DAGLA: variants seen among roughly 807,000 people sequenced by gnomAD.
DAGLA encodes diacylglycerol lipase alpha, also known as diacylglycerol lipase-alpha.
In DAGLA, 22 loss-of-function variants were observed where a neutral mutation model predicts 102.6. The ratio of observed to expected loss-of-function variants is 0.21; its 90% CI spans 0.15 to 0.31. The LOEUF is 0.31. DAGLA is among the 10% of genes least tolerant of loss of function. DAGLA has a pLI of 1.00. For synonymous variants in DAGLA, 578 were observed against 628.9 expected, an observed-to-expected ratio of 0.92 and a Z score of 1.21; for missense variants, 927 against 1,446.6, an observed-to-expected ratio of 0.64 and a Z score of 5.83.
rs762374338 is a variant in DAGLA at position 61,745,076 on chromosome 11, T to G, written c.*587T>G. ...CTTGCAAGCCCCCCGCCCAATCATG[T>G]GTTCAGTAGCCGTCCTCTGAGCAGG... On this transcript the variant is annotated 3_prime_UTR_variant, in exon 20 of 20. Transcript: ENST00000257215. 12 of 154,804 alleles carry G rather than the reference T, an allele frequency of 7.8e-5. No individual in the cohort carries two copies. The highest frequency in any genetic ancestry group is 1.7e-4 in the Non-Finnish European group (12 of 69,714). 9.6% of individuals were successfully genotyped at this position (154,804 alleles called of 1,614,324 possible). A position where few individuals can be genotyped will look rare whatever the true frequency, so the allele number is the denominator to read the frequency against.
At chr11:61,728,828 G>A (rs767779341) in intron 7 of DAGLA, 103 bp from the exon 8 acceptor site, 161 of 980,870 alleles carry the variant, frequency 1.6e-4, no homozygotes, top group Non-Finnish European at 2.2e-4. Context: ...TGGGCTTCTC[G>A]GCCTTTGGGA....
intron 1 of DAGLA, among the ~76,000 whole-genome samples, chr11:61,717,623 C>T (rs1387716955): frequency 6.6e-6 from 1 of 152,182 alleles, no homozygotes; most frequent in African/African-American, 2.4e-5. Flanking sequence ...ACAGTGGGTA[C>T]GTGGTAGAGC....
intron 15 of DAGLA, 122 bp downstream of exon 15, chr11:61,737,877 G>A (rs1001936653): frequency 1.8e-5 from 15 of 846,424 alleles, no homozygotes; most frequent in East Asian, 1.2e-4. Flanking sequence ...GGGACCCCAC[G>A]CCCCTCCCCA....
At chr11:61,696,111 T>C (rs2065063029) in intron 1 of DAGLA, among the ~76,000 whole-genome samples, 1 of 151,734 alleles carries the variant, frequency 6.6e-6, no homozygotes, top group Admixed American at 6.6e-5. Context: ...GAAATGAGAG[T>C]GGGGGAGCCT....
intron 1 of DAGLA, among the ~76,000 whole-genome samples, chr11:61,714,219 G>C (rs1260146213): frequency 6.6e-6 from 1 of 152,182 alleles, no homozygotes; most frequent in South Asian, 2.1e-4. Context: ...TTTCTGTCCT[G>C]GGGACACTGC....
chr11:61,735,531 G>A (rs767747619), intron 10 of DAGLA, 30 bp from the exon 11 acceptor site: 89 of 1,606,322 alleles, frequency 5.5e-5, no homozygotes, highest in Non-Finnish European at 6.4e-5. Flanking sequence ...CACCAGGGCC[G>A]CTCAGGCTCA....
chr11:61,691,318 T>C (rs929531999), intron 1 of DAGLA, among the ~76,000 whole-genome samples: 7 of 152,206 alleles, frequency 4.6e-5, no homozygotes, highest in South Asian at 2.1e-4. Context: ...CCCTCTGAAA[T>C]TGTAATTGGA....
At chr11:61,706,584 C>T (rs925662891) in intron 1 of DAGLA, among the ~76,000 whole-genome samples, 1 of 152,216 alleles carries the variant, frequency 6.6e-6, no homozygotes, top group Non-Finnish European at 1.5e-5. Flanking sequence ...ACCCAGGAGG[C>T]CTCAGAGCCC....
At chr11:61,710,392 T>TG (rs553253123) in intron 1 of DAGLA, among the ~76,000 whole-genome samples, 36 of 152,018 alleles carry the variant, frequency 2.4e-4, no homozygotes, top group African/African-American at 7.7e-4. Flanking sequence ...GCGTTTGAGC[T>TG]GGGAAGGGGC....
rs150653511 is a variant in DAGLA at position 61,744,779 on chromosome 11, C to T, written c.*290C>T. On this transcript the variant is annotated 3_prime_UTR_variant, in exon 20 of 20. Transcript: ENST00000257215. ...GGGCCACACTCAGCCTGACTGCCCT[C>T]CATGGGGGCATTCTGGCACCCCCTG... 1 of 368,952 alleles carries T rather than the reference C, an allele frequency of 2.7e-6. No individual in the cohort carries two copies. Among genetic ancestry groups the T allele is most frequent in the East Asian group, 4.5e-5 (1 of 22,374 alleles). The allele number at this position is 368,952 out of a possible 1,614,324, so 22.9% of individuals were successfully genotyped here.
Position 61,722,871 on chromosome 11 carries a change from T to C in DAGLA, c.320T>C (p.Ile107Thr). The C allele has an allele frequency of 6.2e-7, 1 of 1,614,062 alleles. No individual in the cohort carries two copies. The highest frequency in any genetic ancestry group is 8.5e-7 in the Non-Finnish European group (1 of 1,179,952). The change falls in exon 4 of 20, where the codon ATC becomes ACC. Residue 107 changes from isoleucine (I) to threonine (T), a missense_variant. Physicochemically the swap from Ile to Thr is moderately conservative, Grantham distance 89. Transcript: ENST00000257215. ...VLYVRLAILV[I>T]EFIYAIVGIV... ...GCTCTCCTTGCAGCCATCCTGGTGA[T>C]CGAGTTCATCTACGCCATCGTGGGC...
At position 61,744,766 on chromosome 11, in the gene DAGLA, G is replaced by A; in HGVS notation, c.*277G>A. ...CAGCCTGCTGGGTGGGCCACACTCA[G>A]CCTGACTGCCCTCCATGGGGGCATT... On this transcript the variant is annotated 3_prime_UTR_variant, in exon 20 of 20. Coordinates refer to ENST00000257215, the MANE Select transcript of DAGLA (RefSeq NM_006133.3). The A allele has an allele frequency of 2.5e-6, 1 of 399,946 alleles. No individual in the cohort carries two copies. Among genetic ancestry groups the A allele is most frequent in the Admixed American group, 4.2e-5 (1 of 23,858 alleles). The allele number at this position is 399,946 out of a possible 1,614,324, so 24.8% of individuals were successfully genotyped here. A position where few individuals can be genotyped will look rare whatever the true frequency, so the allele number is the denominator to read the frequency against.
At chr11:61,702,015 A>G (rs2065113519) in intron 1 of DAGLA, among the ~76,000 whole-genome samples, 1 of 151,902 alleles carries the variant, frequency 6.6e-6, no homozygotes, top group African/African-American at 2.4e-5. Flanking sequence ...GCCTCAAGTA[A>G]TTCTCCTGCG....
At chr11:61,725,955 GC>G in intron 5 of DAGLA, 39 bp from the exon 6 acceptor site, 1 of 1,575,164 alleles carries the variant, frequency 6.3e-7, no homozygotes. Context: ...TTCTGGTCCA[GC>G]CCTCTGACCT....
chr11:61,697,931 C>G (rs1456231139), intron 1 of DAGLA, among the ~76,000 whole-genome samples: 1 of 152,220 alleles, frequency 6.6e-6, no homozygotes, highest in Non-Finnish European at 1.5e-5. Context: ...TTCTTGGACC[C>G]TCCATTTCCT....
chr11:61,702,925 C>G (rs2065120124), intron 1 of DAGLA, among the ~76,000 whole-genome samples: 1 of 152,224 alleles, frequency 6.6e-6, no homozygotes, highest in Non-Finnish European at 1.5e-5. Flanking sequence ...CACATTTCCT[C>G]CCTGCCTCGC....
intron 7 of DAGLA, 47 bp downstream of exon 7, chr11:61,728,334 T>C (rs1394074439): frequency 6.3e-7 from 1 of 1,595,906 alleles, no homozygotes; most frequent in Non-Finnish European, 8.5e-7. Flanking sequence ...CACACCACCC[T>C]TCTTTCAGGC....
intron 1 of DAGLA, among the ~76,000 whole-genome samples, chr11:61,688,935 G>C (rs1434399669): frequency 6.6e-6 from 1 of 152,258 alleles, no homozygotes; most frequent in Non-Finnish European, 1.5e-5. Flanking sequence ...TGCTGGGCTG[G>C]GGCTGGGGAA....
chr11:61,742,924 CA>C, intron 19 of DAGLA, among the ~76,000 whole-genome samples: 2 of 152,126 alleles, frequency 1.3e-5, no homozygotes, highest in Non-Finnish European at 2.9e-5. Flanking sequence ...GGTACAATGA[CA>C]GGGGTTCTGG....
Sources: allele counts gnomAD v4.1 joint callset (sites outside exome capture counted in the v4.1 genomes callset), GRCh38; gene constraint gnomAD v4.1.1; transcripts MANE v1.5; gene names NCBI Gene and HGNC (gene_info 2026-07-23, HGNC 2026-07-21).